Variants in CX3CR1 observed in about 807,000 individuals in gnomAD.
CX3CR1 encodes C-X3-C motif chemokine receptor 1.
For missense variants in CX3CR1, 363 were observed against 432.4 expected (o/e 0.84, Z 1.42); for synonymous variants, 168 against 178.5 (o/e 0.94, Z 0.47).
Position 39,266,302 on chromosome 3 carries a change from G to A in CX3CR1, c.208C>T (p.Leu70Phe), listed in dbSNP as rs1385705098. 1 of 1,614,094 alleles carries A rather than the reference G, an allele frequency of 6.2e-7. No homozygotes were observed. Among genetic ancestry groups the A allele is most frequent in the Non-Finnish European group, 8.5e-7 (1 of 1,180,046 alleles). The part of the protein sequence containing the change: ...KKPKSVTDIY[L>F]LNLALSDLLF... ...AGATCAGACAAGGCCAGGTTCAGGA[G>A]GTAAATGTCGGTGACACTCTTGGGC... The change falls in exon 2 of 2, where the codon CTC (leucine) becomes TTC (phenylalanine). Residue 70 changes from leucine to phenylalanine, a missense_variant. Coordinates refer to ENST00000399220, the MANE Select transcript of CX3CR1 (RefSeq NM_001337.4).
In CX3CR1 at chr3:39,264,664, T is replaced by G. The variant is rs2040669408; in HGVS notation, c.*778A>C. The G allele has an allele frequency of 6.6e-6, 1 of 152,390 alleles. No individual in the cohort carries two copies. Among genetic ancestry groups the G allele is most frequent in the Admixed American group, 6.5e-5 (1 of 15,284 alleles). The allele number at this position is 152,390 out of a possible 1,614,324, so 9.4% of individuals were successfully genotyped here. A position where few individuals can be genotyped will look rare whatever the true frequency, so the allele number is the denominator to read the frequency against. On this transcript the variant is annotated 3_prime_UTR_variant, in exon 2 of 2. Coordinates refer to ENST00000399220, the MANE Select transcript of CX3CR1 (RefSeq NM_001337.4). ...GATGCAGTAGGCAGTGGGGAGCCCT[T>G]GCAGGTTTGGGGACATGATGGAAGA...
chr3:39,288,986 T>G, the CX3CR1 span, among the ~76,000 whole-genome samples: 20,639 of 152,014 alleles, frequency 0.14, 1,369 homozygotes, highest in South Asian at 0.16. Flanking sequence ...CCAACACATC[T>G]CTACTAAAAG....
chr3:39,269,727 C>T (rs1281050603), intron 1 of CX3CR1, among the ~76,000 whole-genome samples: 1 of 152,202 alleles, frequency 6.6e-6, no homozygotes, highest in Non-Finnish European at 1.5e-5. Context: ...ATCCTAGCTC[C>T]CTGCTGTCTC....
chr3:39,279,518 C>T (rs1227544633), intron 1 of CX3CR1, among the ~76,000 whole-genome samples: 2 of 152,200 alleles, frequency 1.3e-5, no homozygotes, highest in Admixed American at 6.5e-5. Flanking sequence ...TCCTCTATTT[C>T]CCACTTAATG....
chr3:39,283,829 ATATATATATATAAT>A (rs1188061654), upstream of CX3CR1, among the ~76,000 whole-genome samples: 40 of 110,318 alleles, frequency 3.6e-4, 3 homozygotes, highest in East Asian at 3.0e-3. Context: ...ATATATATAT[ATATATATATATAAT>A]GTGGTTAATA....
At chr3:39,278,949 A>G (rs1575211582) in intron 1 of CX3CR1, among the ~76,000 whole-genome samples, 3 of 152,126 alleles carry the variant, frequency 2.0e-5, no homozygotes, top group East Asian at 3.8e-4. Flanking sequence ...TCAAAATTGA[A>G]CACTAAATTT....
chr3:39,266,054 G>C lies in CX3CR1; in HGVS notation c.456C>G (p.Gly152=). 2 of 1,614,168 alleles carry C rather than the reference G, an allele frequency of 1.2e-6. No homozygotes were observed. The highest frequency in any genetic ancestry group is 1.7e-6 in the Non-Finnish European group (2 of 1,180,036). ...CCACCAAAATGGCTGCTGCCCAGACGCCTAGGCTGATGGTGACGCCATGCT... is the reference window on the plus strand; with the variant it reads ...CCACCAAAATGGCTGCTGCCCAGACCCCTAGGCTGATGGTGACGCCATGCT... The part of the protein sequence containing the change: ...TVQHGVTISL[G]VWAAAILVAA... The change falls in exon 2 of 2, where the codon GGC becomes GGG. Residue 152 remains glycine (G), a synonymous_variant. Transcript: ENST00000399220.
chr3:39,267,063 C>T lies in CX3CR1; in HGVS notation c.-9-545G>A, dbSNP rs549668712. On this transcript the variant is annotated intron_variant, in intron 1 of 1. Transcript: ENST00000399220. ...CCTCCCAAAATGCTAGGATTACAGG[C>T]GTGAGCCACAGCGCCCAGCCAGCTC... Among the ~76,000 whole-genome samples, 30 of 152,294 alleles carry T rather than the reference C, an allele frequency of 2.0e-4. No homozygotes were observed. The East Asian group carries it at 4.8e-3, about 24-fold the overall frequency.
upstream of CX3CR1, among the ~76,000 whole-genome samples, chr3:39,283,404 T>G (rs922411094): frequency 7.2e-5 from 11 of 152,112 alleles, no homozygotes; most frequent in African/African-American, 2.7e-4. Flanking sequence ...TTGTGCTTTA[T>G]GTATAAAACA....
the CX3CR1 span, among the ~76,000 whole-genome samples, chr3:39,288,783 C>T: frequency 6.6e-6 from 1 of 152,224 alleles, no homozygotes; most frequent in Non-Finnish European, 1.5e-5. Context: ...TGGAATCCCA[C>T]TCTCCTGGTT....
intron 1 of CX3CR1, among the ~76,000 whole-genome samples, chr3:39,267,496 A>G (rs2040719080): frequency 6.6e-6 from 1 of 151,992 alleles, no homozygotes; most frequent in South Asian, 2.1e-4. Context: ...AGAGTCATAC[A>G]CTCTAGAGTG....
At position 39,277,700 on chromosome 3, in the gene CX3CR1, G is replaced by A. The variant is rs144134109; in HGVS notation, c.-10+2254C>T. Among the ~76,000 whole-genome samples the A allele has an allele frequency of 3.0e-3, 454 of 152,246 alleles. 2 individuals carry two copies. Among genetic ancestry groups the A allele is most frequent in the Middle Eastern group, 0.014 (4 of 294 alleles). ...CACTGTGCCATAGCTGCCTAGGGCC[G>A]GGCAGGCTTCCTCCTGGGATGGGGT... On this transcript the variant is annotated intron_variant, in intron 1 of 1. Transcript: ENST00000399220.
At chr3:39,270,767 T>C (rs920832826) in intron 1 of CX3CR1, among the ~76,000 whole-genome samples, 13 of 152,394 alleles carry the variant, frequency 8.5e-5, no homozygotes, top group African/African-American at 2.9e-4. Flanking sequence ...TTTTTTACCA[T>C]GTACACATAC....
chr3:39,278,963 C>A (rs1269300269), intron 1 of CX3CR1, among the ~76,000 whole-genome samples: 1 of 152,048 alleles, frequency 6.6e-6, no homozygotes, highest in Non-Finnish European at 1.5e-5. Flanking sequence ...TAAATTTGTG[C>A]CAGGAATTTA....
chr3:39,274,457 C>T (rs1024784005), intron 1 of CX3CR1, among the ~76,000 whole-genome samples: 2 of 133,408 alleles, frequency 1.5e-5, no homozygotes, highest in East Asian at 2.2e-4. Context: ...AAATGCACAC[C>T]CAACCCTTCC....
At chr3:39,288,852 C>A in the CX3CR1 span, among the ~76,000 whole-genome samples, 1 of 152,176 alleles carries the variant, frequency 6.6e-6, no homozygotes, top group Non-Finnish European at 1.5e-5. Context: ...TTTCTCTAAG[C>A]CTGAATTTCC....
At chr3:39,273,552 G>A (rs749671674) in intron 1 of CX3CR1, among the ~76,000 whole-genome samples, 32 of 152,230 alleles carry the variant, frequency 2.1e-4, no homozygotes, top group Non-Finnish European at 3.1e-4. Flanking sequence ...TCAGTTTCTT[G>A]ATGTATGAAA....
the CX3CR1 span, among the ~76,000 whole-genome samples, chr3:39,292,210 G>A: frequency 3.1e-4 from 47 of 152,324 alleles, no homozygotes; most frequent in Non-Finnish European, 5.0e-4. Context: ...CTGAGAGCTG[G>A]GTGTTCTCAG....
At chr3:39,286,989 G>A in the CX3CR1 span, 2 of 152,322 alleles carry the variant, frequency 1.3e-5, no homozygotes, top group Middle Eastern at 6.8e-3. Context: ...TAAACAGTAT[G>A]AAATTGTAGT....
Sources: gnomAD v4.1 joint callset for allele counts (sites outside exome capture counted in the v4.1 genomes callset) on GRCh38, gnomAD v4.1.1 for gene constraint, MANE v1.5 for transcripts, NCBI Gene and HGNC (gene_info 2026-07-23, HGNC 2026-07-21) for gene names.